Variants in ERC2 observed in about 807,000 individuals in gnomAD.
The protein encoded by ERC2 is ELKS/RAB6-interacting/CAST family member 2.
Under a neutral mutation model 114.8 loss-of-function variants are expected in ERC2, and 42 were observed. That is an observed-to-expected ratio of 0.37 (90% CI 0.29 to 0.47). ERC2 has a LOEUF of 0.47. ERC2 is among the 20% of genes least tolerant of loss of function. The pLI is 0.99. For synonymous variants in ERC2, 454 were observed against 425.5 expected (o/e 1.07, Z -0.82); for missense variants, 939 against 1,150.7 (o/e 0.82, Z 2.66).
At chr3:56,208,033 T>C (rs1289550459) in intron 3 of ERC2, among the ~76,000 whole-genome samples, 1 of 152,208 alleles carries the variant, frequency 6.6e-6, no homozygotes, top group African/African-American at 2.4e-5. Flanking sequence ...TTTTGCAGCA[T>C]GCAAACTAGC....
chr3:55,943,923 T>C (rs979602009), intron 13 of ERC2, among the ~76,000 whole-genome samples: 10 of 152,148 alleles, frequency 6.6e-5, no homozygotes, highest in African/African-American at 2.4e-4. Context: ...GCATTTCTTT[T>C]AGGAAAGGAT....
Position 55,857,503 on chromosome 3 carries a change from C to T in ERC2, c.2564+30886G>A, listed in dbSNP as rs569467206. 1.3e-4 allele frequency among the ~76,000 whole-genome samples: 20 copies of T among 152,128 alleles called. No homozygotes were observed. The South Asian group carries it at 4.2e-3, about 32-fold the overall frequency. On this transcript the variant is annotated intron_variant, in intron 14 of 17. Coordinates refer to ENST00000288221, the MANE Select transcript of ERC2 (RefSeq NM_015576.3). Reference sequence around the variant, plus strand: ...CACATTCATAGTGTTGTACAACCACCACTATTATCTAAAACTTTTTATCAC... The same window carrying T: ...CACATTCATAGTGTTGTACAACCACTACTATTATCTAAAACTTTTTATCAC...
At chr3:56,199,361 T>C (rs1300522933) in intron 3 of ERC2, among the ~76,000 whole-genome samples, 3 of 151,976 alleles carry the variant, frequency 2.0e-5, no homozygotes, top group Non-Finnish European at 4.4e-5. Context: ...GGAAAGAGAT[T>C]GGATGTTTGA....
rs1342786401 is a variant in ERC2, at chr3:56,409,030, A to G, written c.657+25321T>C. Among the ~76,000 whole-genome samples the G allele has an allele frequency of 3.3e-5, 5 of 152,232 alleles. No homozygotes were observed. In the South Asian group the frequency reaches 1.0e-3, roughly 32 times the overall value. ...CCATGTTGTCATCAATCCAGTGACC[A>G]AAACACCTACCAGTCATCTCACACA... On this transcript the variant is annotated intron_variant, in intron 2 of 17. Coordinates refer to ENST00000288221, the MANE Select transcript of ERC2 (RefSeq NM_015576.3).
chr3:55,980,677 T>A (rs74689443), intron 12 of ERC2, among the ~76,000 whole-genome samples: 2 of 151,998 alleles, frequency 1.3e-5, no homozygotes, highest in Admixed American at 1.3e-4. Context: ...TATTTGCTGA[T>A]ATTCATCCAT....
At chr3:55,792,848 G>C (rs1467565436) in intron 14 of ERC2, among the ~76,000 whole-genome samples, 1 of 152,148 alleles carries the variant, frequency 6.6e-6, no homozygotes, top group Non-Finnish European at 1.5e-5. Context: ...ATAGAGAGCT[G>C]GTGGATTCTG....
intron 2 of ERC2, among the ~76,000 whole-genome samples, chr3:56,426,965 C>A (rs868497486): frequency 2.0e-4 from 29 of 143,116 alleles, no homozygotes; most frequent in African/African-American, 7.4e-4. Context: ...AGTTCAAGAC[C>A]AGCTTGGGAA....
intron 2 of ERC2, among the ~76,000 whole-genome samples, chr3:56,339,658 T>A (rs1312738039): frequency 6.6e-6 from 1 of 152,026 alleles, no homozygotes; most frequent in African/African-American, 2.4e-5. Flanking sequence ...AAGACATGTC[T>A]CTCTCTCTCC....
At chr3:56,164,842 C>T (rs574377725) in intron 4 of ERC2, among the ~76,000 whole-genome samples, 70 of 152,064 alleles carry the variant, frequency 4.6e-4, no homozygotes, top group African/African-American at 1.0e-3. Context: ...TCCCTAATGA[C>T]GAATGATGTT....
intron 14 of ERC2, among the ~76,000 whole-genome samples, chr3:55,786,239 T>G (rs1205482851): frequency 6.6e-6 from 1 of 152,240 alleles, no homozygotes; most frequent in East Asian, 1.9e-4. Context: ...GGAGTTCTTT[T>G]GAGAAAACCA....
intron 14 of ERC2, among the ~76,000 whole-genome samples, chr3:55,844,859 G>C (rs2061281929): frequency 6.6e-6 from 1 of 152,202 alleles, no homozygotes; most frequent in Admixed American, 6.5e-5. Flanking sequence ...AGGATAAAAA[G>C]AGACCCTATA....
chr3:55,720,386 A>G (rs1472681770), intron 15 of ERC2, among the ~76,000 whole-genome samples: 2 of 148,292 alleles, frequency 1.3e-5, no homozygotes, highest in East Asian at 4.0e-4. Context: ...CCCAGGCTCA[A>G]GCAATTCTCC....
intron 13 of ERC2, among the ~76,000 whole-genome samples, chr3:55,929,785 T>C (rs943512256): frequency 2.0e-5 from 3 of 152,200 alleles, no homozygotes; most frequent in Non-Finnish European, 4.4e-5. Flanking sequence ...TGTGTAGCAC[T>C]GTCCCCTTCG....
intron 2 of ERC2, among the ~76,000 whole-genome samples, chr3:56,408,126 C>CGG (rs2060798905): frequency 6.6e-6 from 1 of 152,156 alleles, no homozygotes; most frequent in African/African-American, 2.4e-5. Context: ...TTGTGAGACT[C>CGG]GGGATACCTT....
chr3:56,153,438 T>A (rs1216450196), intron 4 of ERC2, among the ~76,000 whole-genome samples: 1 of 152,180 alleles, frequency 6.6e-6, no homozygotes, highest in Non-Finnish European at 1.5e-5. Flanking sequence ...GTGTTCTAAA[T>A]GACTGTACAT....
chr3:55,703,527 C>T (rs1364946181), intron 15 of ERC2, among the ~76,000 whole-genome samples: 1 of 152,216 alleles, frequency 6.6e-6, no homozygotes, highest in Non-Finnish European at 1.5e-5. Context: ...CTTATCTGAA[C>T]CAATGGTAAC....
intron 6 of ERC2, among the ~76,000 whole-genome samples, chr3:56,116,540 T>A (rs1560199801): frequency 6.6e-6 from 1 of 152,204 alleles, no homozygotes; most frequent in Non-Finnish European, 1.5e-5. Flanking sequence ...GTTCCAGAAA[T>A]ATTTTATTCA....
intron 6 of ERC2, among the ~76,000 whole-genome samples, chr3:56,092,678 CATG>C (rs1315920947): frequency 2.0e-5 from 3 of 152,134 alleles, no homozygotes; most frequent in Non-Finnish European, 2.9e-5. Context: ...TATTTTGCAA[CATG>C]ATGATAGTTA....
chr3:56,297,124 GA>G (rs1160118997), intron 2 of ERC2, among the ~76,000 whole-genome samples: 2 of 134,988 alleles, frequency 1.5e-5, no homozygotes, highest in Admixed American at 7.6e-5. Flanking sequence ...CATGGTAAAT[GA>G]AAAAAAAATG....
Sources: gnomAD v4.1 joint callset for allele counts (sites outside exome capture counted in the v4.1 genomes callset) on GRCh38, gnomAD v4.1.1 for gene constraint, MANE v1.5 for transcripts, NCBI Gene and HGNC (gene_info 2026-07-23, HGNC 2026-07-21) for gene names.